The following ZNF800 variants were observed in gnomAD, a reference collection of about 807,000 sequenced individuals.
ZNF800 encodes zinc finger protein 800.
Under a neutral mutation model 59.5 loss-of-function variants are expected in ZNF800, and 13 were observed. That is an observed-to-expected ratio of 0.22 (90% CI 0.14 to 0.35). The LOEUF is 0.35. ZNF800 is among the 10% of genes least tolerant of loss of function. The pLI is 1.00. For synonymous variants in ZNF800, 266 were observed against 265.7 expected (o/e 1.00, Z -0.01); for missense variants, 621 against 783.7 (o/e 0.79, Z 2.48).
intron 1 of ZNF800, chr7:127,362,193 A>C (rs1041299486): frequency 6.6e-6 from 1 of 152,136 alleles, no homozygotes; most frequent in African/African-American, 2.4e-5. Context: ...CCAGGAAAAA[A>C]ATCTAGTAAG....
Position 127,374,242 on chromosome 7 carries a change from T to C in ZNF800, c.1094A>G (p.Lys365Arg). ...CATTATTTGTGAACTATATTTCCTC[T>C]TGCAAAGGAGGCATTTGCATGCAGT... Reference protein sequence around the residue: ...NLTACKCLLCKRKYSSQIMLK... With the variant: ...NLTACKCLLCRRKYSSQIMLK... The change falls in exon 5 of 6, where the codon AAG becomes AGG. Residue 365 changes from lysine to arginine, a missense_variant. Around this residue, in one of 7 missense-constraint regions of ZNF800, gnomAD observed 185 missense variants for 177.6 expected, o/e 1.04. Transcript: ENST00000265827. 6.2e-7 allele frequency: 1 copy of C among 1,614,076 alleles called. No homozygotes were observed. Among genetic ancestry groups the C allele is most frequent in the South Asian group, 1.1e-5 (1 of 91,080 alleles).
chr7:127,377,391 C>T lies in ZNF800; in HGVS notation c.158-62G>A. ...GGTAACTTTAACATGCACTTTTAAA[C>T]TGGACAACCACTGTTGACAGACCAA... On this transcript the variant is annotated intron_variant, in intron 3 of 5. Transcript: ENST00000265827. The surrounding 1 kb of genome is among the most constrained non-coding windows in gnomAD (Gnocchi z 4.7). The T allele has an allele frequency of 7.0e-7, 1 of 1,430,504 alleles. No homozygotes were observed. The highest frequency in any genetic ancestry group is 9.5e-7 in the Non-Finnish European group (1 of 1,049,986). The allele number at this position is 1,430,504 out of a possible 1,614,324, so 88.6% of individuals were successfully genotyped here.
intron 1 of ZNF800, chr7:127,361,727 T>C (rs1178668932): frequency 6.6e-6 from 1 of 151,340 alleles, no homozygotes; most frequent in African/African-American, 2.4e-5. Flanking sequence ...AATAAATGAG[T>C]GAATGGAATT....
chr7:127,369,121 T>A (rs559983289), downstream of ZNF800, among the ~76,000 whole-genome samples: 3 of 152,146 alleles, frequency 2.0e-5, no homozygotes, highest in South Asian at 2.1e-4. Context: ...TCAGCTCTCA[T>A]TTGCACTATT....
At chr7:127,384,124 T>A (rs1168971044) in intron 3 of ZNF800, among the ~76,000 whole-genome samples, 1 of 151,872 alleles carries the variant, frequency 6.6e-6, no homozygotes, top group African/African-American at 2.4e-5. Flanking sequence ...ATTTTTGGAA[T>A]CTTTTTTAAT....
At chr7:127,343,912 T>C (rs1478116365), downstream of ZNF800, among the ~76,000 whole-genome samples, 3 of 152,070 alleles carry the variant, frequency 2.0e-5, no homozygotes, top group Non-Finnish European at 4.4e-5. Context: ...GTATGCTTAA[T>C]ATAATTGAAC....
Position 127,374,805 on chromosome 7 carries a change from C to T in ZNF800, c.531G>A (p.Gln177=). The T allele has an allele frequency of 1.2e-6, 2 of 1,613,068 alleles. No homozygotes were observed. The highest frequency in any genetic ancestry group is 1.7e-6 in the Non-Finnish European group (2 of 1,179,556). ...EVQIQETSTE[Q]SKTVPVTDTE... ...TATCTGTAACCGGTACTGTTTTTGA[C>T]TGTTCAGTGCTAGTTTCCTGTATCT... Residue 177 remains glutamine (Q), a synonymous_variant, in exon 5 of 6, where the codon CAG becomes CAA. Coordinates refer to ENST00000265827, the MANE Select transcript of ZNF800 (RefSeq NM_176814.5).
chr7:127,363,163 T>C (rs1037332471), intron 1 of ZNF800: 1 of 151,878 alleles, frequency 6.6e-6, no homozygotes, highest in African/African-American at 2.4e-5. Context: ...GATTACTGAG[T>C]TTTTTGTTGC....
chr7:127,346,485 A>C (rs535827209), downstream of ZNF800, among the ~76,000 whole-genome samples: 2 of 152,248 alleles, frequency 1.3e-5, no homozygotes, highest in Non-Finnish European at 2.9e-5. Flanking sequence ...ATTGCTGTTC[A>C]AGAGTGCTGA....
At chr7:127,372,394 T>G (rs1407988993) in intron 5 of ZNF800, among the ~76,000 whole-genome samples, 3 of 151,036 alleles carry the variant, frequency 2.0e-5, no homozygotes, top group Non-Finnish European at 2.9e-5. Flanking sequence ...GCAGGAGAAT[T>G]GCTTGAACCC....
chr7:127,367,833 G>A (rs2117074580), downstream of ZNF800, among the ~76,000 whole-genome samples: 1 of 152,254 alleles, frequency 6.6e-6, no homozygotes, highest in South Asian at 2.1e-4. Context: ...GAGAGTCCCT[G>A]ACATCAAAAA....
chr7:127,385,981 A>C, intron 3 of ZNF800, 79 bp downstream of exon 3: 4 of 936,312 alleles, frequency 4.3e-6, no homozygotes, highest in Non-Finnish European at 6.5e-6. Flanking sequence ...AATGTTTTTT[A>C]AAAATTATTT....
chr7:127,350,615 C>A (rs906041216), intron 1 of ZNF800: 2 of 152,206 alleles, frequency 1.3e-5, no homozygotes, highest in African/African-American at 4.8e-5. Context: ...CCAAGACTTT[C>A]AAGTTAGATT....
At chr7:127,388,063 T>C (rs1801193656) in intron 2 of ZNF800, among the ~76,000 whole-genome samples, 1 of 151,978 alleles carries the variant, frequency 6.6e-6, no homozygotes, top group African/African-American at 2.4e-5. Flanking sequence ...TAGATACAAT[T>C]AGGGCAAATT....
At chr7:127,353,085 A>G (rs1800200434) in intron 1 of ZNF800, among the ~76,000 whole-genome samples, 1 of 152,220 alleles carries the variant, frequency 6.6e-6, no homozygotes, top group African/African-American at 2.4e-5. Flanking sequence ...TTATTAAAAG[A>G]ATCAGTCACC....
At chr7:127,365,489 A>C (rs1800485437), downstream of ZNF800, among the ~76,000 whole-genome samples, 1 of 152,110 alleles carries the variant, frequency 6.6e-6, no homozygotes, top group Non-Finnish European at 1.5e-5. Context: ...GATACAAAGA[A>C]AAGACAATTC....
intron 3 of ZNF800, among the ~76,000 whole-genome samples, chr7:127,380,283 C>G (rs1019788231): frequency 6.6e-6 from 1 of 152,026 alleles, no homozygotes; most frequent in East Asian, 1.9e-4. Flanking sequence ...TCACCGCTAC[C>G]CCAGCTCTCA....
chr7:127,374,933 G>A lies in ZNF800; in HGVS notation c.403C>T (p.Pro135Ser), dbSNP rs775979107. ...DKREYIIKLE[P>S]IETNQNAVFQ... is the part of the protein sequence containing the mutation. ...ACTGCATTTTGATTAGTTTCTATGG[G>A]TTCTAGCTTAATAATATATTCTCGT... Residue 135 changes from proline to serine, a missense_variant, in exon 5 of 6, where the codon CCC (proline) becomes TCC (serine). Around this residue, in one of 7 missense-constraint regions of ZNF800, gnomAD observed 218 missense variants for 230.8 expected, o/e 0.94. Coordinates refer to ENST00000265827, the MANE Select transcript of ZNF800 (RefSeq NM_176814.5). 6.2e-7 allele frequency: 1 copy of A among 1,613,702 alleles called. No individual in the cohort carries two copies. The highest frequency in any genetic ancestry group is 8.5e-7 in the Non-Finnish European group (1 of 1,179,830).
At chr7:127,388,411 CA>C (rs1213010339) in intron 2 of ZNF800, among the ~76,000 whole-genome samples, 4 of 151,526 alleles carry the variant, frequency 2.6e-5, no homozygotes, top group South Asian at 2.1e-4. Flanking sequence ...TAACTACTTA[CA>C]AAAAAAATGG....
Sources: allele counts gnomAD v4.1 joint callset (sites outside exome capture counted in the v4.1 genomes callset), GRCh38; gene constraint gnomAD v4.1.1; regional missense constraint gnomAD v4.1.1; non-coding constraint Gnocchi (gnomAD v3.1); transcripts MANE v1.5; gene names NCBI Gene and HGNC (gene_info 2026-07-23, HGNC 2026-07-21).